Variants in FNBP1L observed in about 807,000 individuals in gnomAD.
FNBP1L encodes the protein formin binding protein 1 like, also known as formin-binding protein 1-like.
A neutral mutation model predicts 91.2 loss-of-function variants in FNBP1L; 36 were observed. The ratio of observed to expected loss-of-function variants is 0.39; its 90% CI spans 0.30 to 0.52. The LOEUF is 0.52. Among genes scored for constraint, FNBP1L ranks in the 20% least tolerant of loss-of-function variants. The pLI is 0.66. For missense variants in FNBP1L, 571 were observed against 732.1 expected, an observed-to-expected ratio of 0.78 and a Z score of 2.54; for synonymous variants, 242 against 237.0, an observed-to-expected ratio of 1.02 and a Z score of -0.19.
At position 93,549,478 on chromosome 1, in the gene FNBP1L, A is replaced by G. The variant is rs1450332377; in HGVS notation, c.1651+52A>G. The G allele has an allele frequency of 3.7e-6, 5 of 1,368,884 alleles. No individual in the cohort carries two copies. The Admixed American group carries it at 8.8e-5, about 24-fold the overall frequency. 84.8% of individuals were successfully genotyped at this position (1,368,884 alleles called of 1,614,324 possible). A position where few individuals can be genotyped will look rare whatever the true frequency, so the allele number is the denominator to read the frequency against. On this transcript the variant is annotated intron_variant, in intron 15 of 16. Coordinates refer to ENST00000271234, the MANE Select transcript of FNBP1L (RefSeq NM_001164473.3). ...GTAAAAAAATTGGTTCTTTAAAAGT[A>G]TTTACATCAAGTCACTCACTGTAGT...
chr1:93,530,742 AT>A lies in FNBP1L; in HGVS notation c.511-9del. ...TTTGTTGTTGATAATAATTTCGACC[AT>A]TTTGCCCCTAGGCCAAACAGCAGTT... is the stretch of plus-strand genomic sequence containing the variant. On this transcript the variant is annotated splice_polypyrimidine_tract_variant and intron_variant, in intron 6 of 16. Coordinates refer to ENST00000271234, the MANE Select transcript of FNBP1L (RefSeq NM_001164473.3). 1.3e-6 allele frequency: 2 copies of A among 1,594,472 alleles called. No homozygotes were observed. The highest frequency in any genetic ancestry group is 1.8e-5 in the Admixed American group (1 of 57,128).
chr1:93,524,527 C>T (rs1479628688), intron 5 of FNBP1L, among the ~76,000 whole-genome samples: 1 of 148,554 alleles, frequency 6.7e-6, no homozygotes, highest in African/African-American at 2.5e-5. Context: ...TCCTTTATAA[C>T]TCTATACTTA....
chr1:93,499,641 A>G lies in FNBP1L; in HGVS notation c.140+58A>G, dbSNP rs989518897. On this transcript the variant is annotated intron_variant, in intron 2 of 16. Coordinates refer to ENST00000271234, the MANE Select transcript of FNBP1L (RefSeq NM_001164473.3). ...AAATTACATGTTTAAACAGTTGAAT[A>G]TTAGAGGAATGTGATAGTCCAGAGG... 5 of 972,900 alleles carry G rather than the reference A, an allele frequency of 5.1e-6. No individual in the cohort carries two copies. The African/African-American group carries it at 6.7e-5, about 13-fold the overall frequency. 60.3% of individuals were successfully genotyped at this position (972,900 alleles called of 1,614,324 possible).
chr1:93,492,843 A>T (rs1199062653), intron 1 of FNBP1L, among the ~76,000 whole-genome samples: 1 of 152,202 alleles, frequency 6.6e-6, no homozygotes, highest in Non-Finnish European at 1.5e-5. Context: ...TAATATTTTA[A>T]TGTGAATATA....
At chr1:93,473,779 C>T (rs1325391726) in intron 1 of FNBP1L, among the ~76,000 whole-genome samples, 2 of 152,096 alleles carry the variant, frequency 1.3e-5, no homozygotes, top group African/African-American at 4.8e-5. Flanking sequence ...TCTGTGGAGC[C>T]AGCAGTGGTG....
chr1:93,497,068 C>A (rs1275187834), intron 1 of FNBP1L, among the ~76,000 whole-genome samples: 3 of 152,028 alleles, frequency 2.0e-5, no homozygotes, highest in South Asian at 4.1e-4. Context: ...TCATGCCATT[C>A]CCTGCCTCAG....
At chr1:93,478,904 C>T (rs1483043962) in intron 1 of FNBP1L, among the ~76,000 whole-genome samples, 1 of 152,184 alleles carries the variant, frequency 6.6e-6, no homozygotes, top group Non-Finnish European at 1.5e-5. Context: ...CACACAGTCA[C>T]ATTGACAAGG....
chr1:93,511,903 T>C (rs1427789675), intron 2 of FNBP1L, among the ~76,000 whole-genome samples: 2 of 141,164 alleles, frequency 1.4e-5, no homozygotes, highest in East Asian at 4.2e-4. Context: ...GAGGCGGAGC[T>C]TGCAGTGAGC....
At position 93,449,027 on chromosome 1, in the gene FNBP1L, G is replaced by A. The variant is rs538072952; in HGVS notation, c.24+722G>A. ...GGCTGAATTAAATCGAGTGATCGATGAGGAAGCTAATTTTACCAAAAGGAG... is the reference window on the plus strand; with the variant it reads ...GGCTGAATTAAATCGAGTGATCGATAAGGAAGCTAATTTTACCAAAAGGAG... On this transcript the variant is annotated intron_variant, in intron 1 of 16. Transcript: ENST00000271234. Among the ~76,000 whole-genome samples, 14 of 152,352 alleles carry A rather than the reference G, an allele frequency of 9.2e-5. No homozygotes were observed. In the South Asian group the frequency reaches 2.7e-3, roughly 29 times the overall value.
chr1:93,529,503 C>T (rs1279735062), intron 5 of FNBP1L, 149 bp from the exon 6 acceptor site: 2 of 454,250 alleles, frequency 4.4e-6, no homozygotes. Context: ...AGGTTTGTTA[C>T]ATAGGTATAC....
chr1:93,458,947 C>T (rs1266211108), intron 1 of FNBP1L, among the ~76,000 whole-genome samples: 6 of 152,178 alleles, frequency 3.9e-5, no homozygotes, highest in East Asian at 1.9e-4. Flanking sequence ...TGGTACTACA[C>T]GAGGTTTTAG....
At chr1:93,527,229 A>G (rs1671522842) in intron 5 of FNBP1L, among the ~76,000 whole-genome samples, 1 of 152,198 alleles carries the variant, frequency 6.6e-6, no homozygotes, top group Non-Finnish European at 1.5e-5. Flanking sequence ...TATAACAGCT[A>G]TTGTAGTTTT....
chr1:93,465,974 A>G lies in FNBP1L; in HGVS notation c.24+17669A>G, dbSNP rs531868276. On this transcript the variant is annotated intron_variant, in intron 1 of 16. Transcript: ENST00000271234. The stretch of plus-strand genomic sequence containing the variant: ...GACCAGTGATGATGAGCATTTTTTC[A>G]TGTGTCTGTTGGCTGCATAAATGTC... Among the ~76,000 whole-genome samples, 5 of 152,122 alleles carry G rather than the reference A, an allele frequency of 3.3e-5. No homozygotes were observed. The South Asian group carries it at 1.0e-3, about 32-fold the overall frequency.
At chr1:93,454,338 G>C (rs1363622288) in intron 1 of FNBP1L, among the ~76,000 whole-genome samples, 2 of 138,220 alleles carry the variant, frequency 1.4e-5, no homozygotes, top group East Asian at 4.1e-4. Flanking sequence ...GGGTGTGTCT[G>C]TGTGTGTGTG....
chr1:93,520,997 G>A (rs1362744314), intron 2 of FNBP1L, among the ~76,000 whole-genome samples: 6 of 152,138 alleles, frequency 3.9e-5, no homozygotes, highest in East Asian at 1.9e-4. Flanking sequence ...GGCTGAGATC[G>A]CCCCACTGCA....
At chr1:93,543,990 G>GTATCATTAATAA in intron 11 of FNBP1L, 117 bp from the exon 12 acceptor site, 2 of 568,116 alleles carry the variant, frequency 3.5e-6, no homozygotes, top group South Asian at 5.2e-5. Flanking sequence ...GGGGTTGCTT[G>GTATCATTAATAA]AGGCAAATTT....
At position 93,551,593 on chromosome 1, in the gene FNBP1L, A is replaced by G. The variant is rs184723824; in HGVS notation, c.1810+488A>G. The G allele has an allele frequency of 3.7e-5, 36 of 985,456 alleles. No homozygotes were observed. The African/African-American group carries it at 5.9e-4, about 16-fold the overall frequency. The allele number at this position is 985,456 out of a possible 1,614,324, so 61.0% of individuals were successfully genotyped here. A position where few individuals can be genotyped will look rare whatever the true frequency, so the allele number is the denominator to read the frequency against. On this transcript the variant is annotated intron_variant, in intron 16 of 16. Transcript: ENST00000271234. Reference sequence around the variant, plus strand: ...TGTAGCTACAGTTTCCAAGAAGAAAAATAGTAGTTGGATAATTTAGTAAAA... The same window carrying G: ...TGTAGCTACAGTTTCCAAGAAGAAAGATAGTAGTTGGATAATTTAGTAAAA...
At chr1:93,519,724 C>T (rs1273131514) in intron 2 of FNBP1L, among the ~76,000 whole-genome samples, 1 of 152,058 alleles carries the variant, frequency 6.6e-6, no homozygotes, top group Non-Finnish European at 1.5e-5. Flanking sequence ...CCAAGGCAGG[C>T]GGATCACTTG....
chr1:93,507,620 AAATT>A (rs67928745), intron 2 of FNBP1L, among the ~76,000 whole-genome samples: 20,099 of 152,070 alleles, frequency 0.13, 1,645 homozygotes, highest in Non-Finnish European at 0.19. Flanking sequence ...TCGGAAGAAT[AAATT>A]CTTATTGTAT....
Sources: allele counts gnomAD v4.1 joint callset (sites outside exome capture counted in the v4.1 genomes callset), GRCh38; gene constraint gnomAD v4.1.1; transcripts MANE v1.5; gene names NCBI Gene and HGNC (gene_info 2026-07-23, HGNC 2026-07-21).